The following RBM5 variants were observed in gnomAD, a reference collection of about 807,000 sequenced individuals.
The protein encoded by RBM5 is RNA-binding protein 5.
A neutral mutation model predicts 124.6 loss-of-function variants in RBM5; 15 were observed. That is an observed-to-expected ratio of 0.12 (90% confidence interval 0.08 to 0.19). The LOEUF (loss-of-function observed/expected upper bound fraction) is 0.19. Ranked by LOEUF, RBM5 falls within the 10% of genes least tolerant of loss-of-function variation. The pLI is 1.00. For synonymous variants in RBM5, 337 were observed against 361.2 expected (o/e 0.93, Z 0.76); for missense variants, 580 against 1,026.5 (o/e 0.57, Z 5.94).
intron 4 of RBM5, among the ~76,000 whole-genome samples, chr3:50,097,881 A>C (rs954152428): frequency 6.6e-6 from 1 of 152,176 alleles, no homozygotes; most frequent in African/African-American, 2.4e-5. Context: ...TGGGTGGATT[A>C]CCTGAGCCCA....
rs114511246 is a variant in RBM5, at chr3:50,115,684, G to A, written c.2019+77G>A. On this transcript the variant is annotated intron_variant, in intron 21 of 24. Transcript: ENST00000347869. ...ATTTGAGTGCCCTAACAGTCCTGACGGTTCCAAAAATACCTGCCATCTAAT... is the reference window on the plus strand; with the variant it reads ...ATTTGAGTGCCCTAACAGTCCTGACAGTTCCAAAAATACCTGCCATCTAAT... 874 of 1,496,510 alleles carry A rather than the reference G, an allele frequency of 5.8e-4. 6 individuals carry two copies. In the African/African-American group the frequency reaches 0.011, roughly 19 times the overall value. 92.7% of individuals were successfully genotyped at this position (1,496,510 alleles called of 1,614,324 possible).
intron 8 of RBM5, chr3:50,104,834 G>A (rs1439075057): frequency 2.3e-6 from 1 of 427,640 alleles, no homozygotes; most frequent in East Asian, 3.3e-5. Context: ...TGCTCACCTG[G>A]TTTGCATTCT....
In RBM5 at chr3:50,110,432, C is replaced by G; in HGVS notation, c.1332C>G (p.Ser444=). The change falls in exon 16 of 25, where the codon TCC becomes TCG. Residue 444 remains serine, a synonymous_variant. Transcript: ENST00000347869. ...TSTSTQAPAA[S]PTGVVPGTKY... is the part of the protein sequence containing the mutation. Reference sequence around the variant, plus strand: ...CAAGTACACAGGCCCCAGCCGCTTCCCCTACTGGTGTAGTTCCTGGTACCA... The same window carrying G: ...CAAGTACACAGGCCCCAGCCGCTTCGCCTACTGGTGTAGTTCCTGGTACCA... 1.2e-6 allele frequency: 2 copies of G among 1,614,184 alleles called. No homozygotes were observed. Among genetic ancestry groups the G allele is most frequent in the East Asian group, 2.2e-5 (1 of 44,892 alleles).
chr3:50,116,298 C>A (rs2091251926), intron 22 of RBM5: 1 of 287,052 alleles, frequency 3.5e-6, no homozygotes, highest in Non-Finnish European at 6.6e-6. Flanking sequence ...CCAGGGAAGC[C>A]TTCATGGGCA....
intron 3 of RBM5, among the ~76,000 whole-genome samples, chr3:50,093,466 C>T (rs1428523683): frequency 2.0e-5 from 3 of 147,200 alleles, no homozygotes; most frequent in Non-Finnish European, 3.0e-5. Flanking sequence ...GAAAACACAG[C>T]AGGCTGGGTG....
chr3:50,118,735 T>C lies in RBM5; in HGVS notation c.*279T>C. On this transcript the variant is annotated 3_prime_UTR_variant, in exon 25 of 25. Transcript: ENST00000347869. ...TGTACATAGTGTAATGTAGCGTGTTTACATGTGTAGCCTATGTTGTGGTCC... is the reference window on the plus strand; with the variant it reads ...TGTACATAGTGTAATGTAGCGTGTTCACATGTGTAGCCTATGTTGTGGTCC... 1 of 428,496 alleles carries C rather than the reference T, an allele frequency of 2.3e-6. No individual in the cohort carries two copies. The highest frequency in any genetic ancestry group is 4.2e-6 in the Non-Finnish European group (1 of 236,140). 26.5% of individuals were successfully genotyped at this position (428,496 alleles called of 1,614,324 possible). A position where few individuals can be genotyped will look rare whatever the true frequency, so the allele number is the denominator to read the frequency against.
At chr3:50,093,091 A>C (rs1340159839) in intron 3 of RBM5, 1 of 192,194 alleles carries the variant, frequency 5.2e-6, no homozygotes, top group Non-Finnish European at 1.1e-5. Flanking sequence ...GTGAGCTGAG[A>C]TCATGCCATT....
chr3:50,092,786 C>T (rs2090727289), intron 3 of RBM5: 2 of 446,568 alleles, frequency 4.5e-6, no homozygotes, highest in Non-Finnish European at 9.0e-6. Flanking sequence ...CAGTGGCTCA[C>T]ACCTGTAATC....
At position 50,093,875 on chromosome 3, in the gene RBM5, T is replaced by C. The variant is rs1316431382; in HGVS notation, c.339T>C (p.Asp113=). Residue 113 remains aspartate, a splice_region_variant and synonymous_variant, in exon 4 of 25, where the codon GAT becomes GAC. Coordinates refer to ENST00000347869, the MANE Select transcript of RBM5 (RefSeq NM_005778.4). ...RGLPITITES[D]IREMMESFEG... ...TTCCCATCACCATCACAGAGAGCGATGTAAGGGGAAATGACAGTTATAACC... is the reference window on the plus strand; with the variant it reads ...TTCCCATCACCATCACAGAGAGCGACGTAAGGGGAAATGACAGTTATAACC... The C allele has an allele frequency of 3.1e-6, 5 of 1,605,490 alleles. No individual in the cohort carries two copies. Among genetic ancestry groups the C allele is most frequent in the Admixed American group, 3.3e-5 (2 of 59,924 alleles).
chr3:50,110,848 T>C, intron 17 of RBM5, 78 bp downstream of exon 17: 1 of 1,180,474 alleles, frequency 8.5e-7, no homozygotes, highest in Non-Finnish European at 1.2e-6. Flanking sequence ...AAATGAAATA[T>C]TTCCTGCAAA....
chr3:50,096,794 A>G (rs181036621), intron 4 of RBM5, among the ~76,000 whole-genome samples: 2 of 149,198 alleles, frequency 1.3e-5, no homozygotes, highest in Admixed American at 1.3e-4. Context: ...TTTTGTAGAG[A>G]CAAGGTCTCT....
chr3:50,116,369 A>G (rs1327700114), intron 22 of RBM5: 4 of 193,748 alleles, frequency 2.1e-5, no homozygotes. Context: ...TGCAGGTGAT[A>G]TGAAAGGAAG....
chr3:50,115,733 C>T, intron 21 of RBM5, 126 bp downstream of exon 21: 2 of 1,279,868 alleles, frequency 1.6e-6, no homozygotes, highest in Non-Finnish European at 1.1e-6. Context: ...AAAGCTGTTC[C>T]CGATGACAGT....
Position 50,103,258 on chromosome 3 carries a change from T to C in RBM5, c.567+92T>C, listed in dbSNP as rs1355423657. On this transcript the variant is annotated intron_variant, in intron 7 of 24. Transcript: ENST00000347869. ...TATTTGACTGTCCAAACAAGGAAAT[T>C]GTTACTCAATCATCAGTAATATTCA... 2.5e-5 allele frequency: 26 copies of C among 1,031,392 alleles called. No individual in the cohort carries two copies. In the South Asian group the frequency reaches 3.4e-4, roughly 13 times the overall value. The allele number at this position is 1,031,392 out of a possible 1,614,324, so 63.9% of individuals were successfully genotyped here.
At chr3:50,101,747 A>T (rs2090944566) in intron 6 of RBM5, 2 of 152,232 alleles carry the variant, frequency 1.3e-5, no homozygotes, top group South Asian at 4.1e-4. Context: ...GACATTTAAA[A>T]GTCTCCACAA....
At chr3:50,096,129 C>T (rs1382722053) in intron 4 of RBM5, among the ~76,000 whole-genome samples, 1 of 152,056 alleles carries the variant, frequency 6.6e-6, no homozygotes, top group African/African-American at 2.4e-5. Flanking sequence ...AGCTATGGAT[C>T]TTGCCTCAAA....
Position 50,108,269 on chromosome 3 carries a change from C to G in RBM5, c.1157C>G (p.Ala386Gly). Residue 386 changes from alanine to glycine, a missense_variant, in exon 14 of 25, where the codon GCT (alanine) becomes GGT (glycine). Ala to Gly is a moderately conservative substitution (Grantham distance 60). This residue lies in a region of RBM5 where 104 missense variants were observed against 128.7 expected (regional missense o/e 0.81). Coordinates refer to ENST00000347869, the MANE Select transcript of RBM5 (RefSeq NM_005778.4). ...QDYQQFYQQQAGGLESDASSA... is the reference protein window; with the variant it reads ...QDYQQFYQQQGGGLESDASSA... ...TATCAGCAGTTTTATCAACAACAAG[C>G]TGGAGGATTGGAATCTGATGCATCA... 1.2e-6 allele frequency: 2 copies of G among 1,613,560 alleles called. No individual in the cohort carries two copies. Among genetic ancestry groups the G allele is most frequent in the South Asian group, 1.1e-5 (1 of 91,078 alleles).
Position 50,115,547 on chromosome 3 carries a change from G to C in RBM5, c.1959G>C (p.Arg653=). Residue 653 remains arginine, a synonymous_variant, in exon 21 of 25, where the codon CGG becomes CGC. Coordinates refer to ENST00000347869, the MANE Select transcript of RBM5 (RefSeq NM_005778.4). ...DWKKMACLLC[R]RQFPNKDALV... is the part of the protein sequence containing the mutation. The stretch of plus-strand genomic sequence containing the variant: ...AGAAGATGGCCTGTCTGCTCTGCCG[G>C]CGCCAGTTCCCGAACAAAGATGCCC... 1 of 1,613,506 alleles carries C rather than the reference G, an allele frequency of 6.2e-7. No individual in the cohort carries two copies. Among genetic ancestry groups the C allele is most frequent in the South Asian group, 1.1e-5 (1 of 91,010 alleles).
At chr3:50,097,160 C>A (rs185109079) in intron 4 of RBM5, among the ~76,000 whole-genome samples, 1 of 152,252 alleles carries the variant, frequency 6.6e-6, no homozygotes, top group African/African-American at 2.4e-5. Context: ...CTTTAGGATT[C>A]TGAGGCAGGC....
Sources: gnomAD v4.1 joint callset for allele counts (sites outside exome capture counted in the v4.1 genomes callset) on GRCh38, gnomAD v4.1.1 for gene constraint, gnomAD v4.1.1 regional missense constraint, MANE v1.5 for transcripts, NCBI Gene and HGNC (gene_info 2026-07-23, HGNC 2026-07-21) for gene names.